The following LRRC7 variants were observed in gnomAD, a reference collection of about 807,000 sequenced individuals.
The protein encoded by LRRC7 is leucine rich repeat containing 7, also known as leucine-rich repeat-containing protein 7.
In LRRC7, 23 loss-of-function variants were observed where a neutral mutation model predicts 175.7. That is an observed-to-expected ratio of 0.13 (90% CI 0.09 to 0.19). LRRC7 has a LOEUF of 0.19. LRRC7 is among the 10% of genes least tolerant of loss of function. The pLI, the probability that LRRC7 is intolerant of heterozygous loss-of-function variation, is 1.00. For synonymous variants in LRRC7, 685 were observed against 680.9 expected (o/e 1.01, Z -0.09); for missense variants, 1,354 against 1,904.7 (o/e 0.71, Z 5.38).
chr1:69,966,054 T>C (rs1007914337), intron 8 of LRRC7, among the ~76,000 whole-genome samples: 6 of 152,092 alleles, frequency 3.9e-5, no homozygotes, highest in African/African-American at 1.2e-4. Context: ...ACAAAGATAG[T>C]AAAATTAAAA....
intron 21 of LRRC7, among the ~76,000 whole-genome samples, chr1:70,042,080 T>G (rs1039794074): frequency 2.6e-5 from 4 of 152,222 alleles, no homozygotes. Flanking sequence ...CTCATTTAAT[T>G]CCAAGAAATT....
intron 23 of LRRC7, among the ~76,000 whole-genome samples, chr1:70,068,067 C>A (rs904577806): frequency 6.6e-6 from 1 of 152,018 alleles, no homozygotes; most frequent in African/African-American, 2.4e-5. Flanking sequence ...AGAACAGCTT[C>A]TTTTTTCTTT....
chr1:69,608,720 A>C (rs1375503615), intron 1 of LRRC7, among the ~76,000 whole-genome samples: 2 of 151,464 alleles, frequency 1.3e-5, no homozygotes, highest in Admixed American at 1.3e-4. Flanking sequence ...GAGATGTAAG[A>C]ACTCTGACCT....
At chr1:69,696,091 T>C (rs1475287103) in intron 2 of LRRC7, among the ~76,000 whole-genome samples, 1 of 152,192 alleles carries the variant, frequency 6.6e-6, no homozygotes, top group African/African-American at 2.4e-5. Flanking sequence ...GCTTGTATCA[T>C]TGGCCTCGAC....
At chr1:70,117,013 AG>A (rs1665906041) in intron 26 of LRRC7, among the ~76,000 whole-genome samples, 2 of 152,204 alleles carry the variant, frequency 1.3e-5, no homozygotes, top group African/African-American at 4.8e-5. Context: ...TAAGAGCTGT[AG>A]GCATTCAAAG....
chr1:69,751,216 C>T (rs1055040597), intron 2 of LRRC7, among the ~76,000 whole-genome samples: 1 of 152,090 alleles, frequency 6.6e-6, no homozygotes, highest in African/African-American at 2.4e-5. Context: ...ATTTGATGCT[C>T]ATCTCTCTTA....
intron 15 of LRRC7, among the ~76,000 whole-genome samples, chr1:70,019,667 G>A (rs80269330): frequency 0.013 from 2,037 of 151,976 alleles, 44 homozygotes; most frequent in African/African-American, 0.044. Flanking sequence ...CCAAATGTAA[G>A]TGAATCATTT....
At chr1:69,995,812 A>T (rs1654899825) in intron 11 of LRRC7, among the ~76,000 whole-genome samples, 1 of 151,874 alleles carries the variant, frequency 6.6e-6, no homozygotes, top group Non-Finnish European at 1.5e-5. Flanking sequence ...ATTGTTGGAC[A>T]TTTGGATTGG....
chr1:69,900,401 T>C (rs1236956842), intron 7 of LRRC7, among the ~76,000 whole-genome samples: 1 of 152,236 alleles, frequency 6.6e-6, no homozygotes, highest in African/African-American at 2.4e-5. Flanking sequence ...ACACTTCATT[T>C]TTCTTCTTTG....
At chr1:69,947,228 T>C (rs1161665687) in intron 8 of LRRC7, among the ~76,000 whole-genome samples, 1 of 152,030 alleles carries the variant, frequency 6.6e-6, no homozygotes, top group African/African-American at 2.4e-5. Flanking sequence ...TGTTGTCTCA[T>C]TGGAGAGTTC....
rs145764760 is a variant in LRRC7 at position 69,599,928 on chromosome 1, A to C, written c.2+31287A>C. On this transcript the variant is annotated intron_variant, in intron 1 of 26. Coordinates refer to ENST00000651989, the MANE Select transcript of LRRC7 (RefSeq NM_001370785.2). ...AACGTTTACTCACTCCTAAGAAGAC[A>C]CATAGAAAATAAACTGCCACTTTGA... is the stretch of plus-strand genomic sequence containing the variant. 9.1e-3 allele frequency among the ~76,000 whole-genome samples: 1,385 copies of C among 152,302 alleles called. 25 individuals carry two copies. Among genetic ancestry groups the C allele is most frequent in the African/African-American group, 0.031 (1,303 of 41,560 alleles).
chr1:69,621,841 C>G (rs1650664785), intron 1 of LRRC7, among the ~76,000 whole-genome samples: 1 of 152,176 alleles, frequency 6.6e-6, no homozygotes, highest in African/African-American at 2.4e-5. Context: ...CAGCCATTTC[C>G]TTTCATCAGT....
intron 7 of LRRC7, among the ~76,000 whole-genome samples, chr1:69,838,592 A>G (rs564998769): frequency 6.6e-6 from 1 of 152,074 alleles, no homozygotes; most frequent in South Asian, 2.1e-4. Flanking sequence ...GCTAAAAACA[A>G]TAGTGTCACA....
chr1:69,961,685 C>A (rs761933311), intron 8 of LRRC7, among the ~76,000 whole-genome samples: 24 of 152,020 alleles, frequency 1.6e-4, no homozygotes, highest in Non-Finnish European at 3.5e-4. Context: ...AGACTGCACA[C>A]CTTCAATTAT....
chr1:69,626,239 G>A (rs965856493), intron 1 of LRRC7, among the ~76,000 whole-genome samples: 2 of 152,094 alleles, frequency 1.3e-5, no homozygotes, highest in Admixed American at 1.3e-4. Flanking sequence ...CCAAAAGATT[G>A]TCAGAATCTA....
intron 3 of LRRC7, among the ~76,000 whole-genome samples, chr1:69,789,237 C>T (rs1056468563): frequency 3.9e-5 from 6 of 152,116 alleles, no homozygotes; most frequent in African/African-American, 1.4e-4. Flanking sequence ...AAAAAGAACA[C>T]TTTAGTACCC....
intron 2 of LRRC7, among the ~76,000 whole-genome samples, chr1:69,679,271 C>A (rs1660178276): frequency 6.6e-6 from 1 of 151,904 alleles, no homozygotes; most frequent in Non-Finnish European, 1.5e-5. Flanking sequence ...AGAATTTTGT[C>A]CTTTTACAGG....
At chr1:69,850,749 T>C (rs1010005919) in intron 7 of LRRC7, among the ~76,000 whole-genome samples, 5 of 151,758 alleles carry the variant, frequency 3.3e-5, no homozygotes, top group African/African-American at 1.2e-4. Context: ...CTTTGAAGAG[T>C]AGTAGATGAG....
intron 26 of LRRC7, among the ~76,000 whole-genome samples, chr1:70,114,354 G>T (rs570007972): frequency 6.6e-6 from 1 of 152,150 alleles, no homozygotes; most frequent in South Asian, 2.1e-4. Context: ...GATTAGAAGG[G>T]AACTAGAAAT....
Sources: allele counts gnomAD v4.1 joint callset (sites outside exome capture counted in the v4.1 genomes callset), GRCh38; gene constraint gnomAD v4.1.1; transcripts MANE v1.5; gene names NCBI Gene and HGNC (gene_info 2026-07-23, HGNC 2026-07-21).